The following CACNA1D variants were observed in gnomAD, a reference collection of about 807,000 sequenced individuals.
CACNA1D encodes voltage-dependent L-type calcium channel subunit alpha-1D.
In CACNA1D, 55 loss-of-function variants were observed where a neutral mutation model predicts 257.1. The observed-to-expected ratio is 0.21, with a 90% confidence interval of 0.17 to 0.27. The LOEUF (loss-of-function observed/expected upper bound fraction) is 0.27, where lower values mean the gene tolerates loss of function less well. Among genes scored for constraint, CACNA1D ranks in the 10% least tolerant of loss-of-function variants. The probability of loss-of-function intolerance (pLI) is 1.00; values close to 1 mark genes in which losing one functional copy is unlikely to be tolerated. For synonymous variants in CACNA1D, 980 were observed against 1,014.9 expected (o/e 0.97, Z 0.65); for missense variants, 1,876 against 2,784.0 (o/e 0.67, Z 7.34).
chr3:53,566,924 G>A (rs534986647), intron 3 of CACNA1D, among the ~76,000 whole-genome samples: 13 of 152,336 alleles, frequency 8.5e-5, no homozygotes, highest in South Asian at 2.1e-4. Flanking sequence ...AGCCTGGCAC[G>A]CTATTTGCTC....
chr3:53,609,361 G>A (rs1322419189), intron 3 of CACNA1D, among the ~76,000 whole-genome samples: 1 of 136,988 alleles, frequency 7.3e-6, no homozygotes, highest in African/African-American at 2.7e-5. Context: ...AGTGAGCCGA[G>A]ATTGCGCCAC....
At chr3:53,640,090 G>T (rs1225822717) in intron 3 of CACNA1D, among the ~76,000 whole-genome samples, 2 of 151,762 alleles carry the variant, frequency 1.3e-5, no homozygotes, top group African/African-American at 2.4e-5. Flanking sequence ...TTGAACTCAT[G>T]ATCTCAGGTG....
At chr3:53,530,157 G>A (rs2091901112) in intron 3 of CACNA1D, among the ~76,000 whole-genome samples, 1 of 152,132 alleles carries the variant, frequency 6.6e-6, no homozygotes, top group Non-Finnish European at 1.5e-5. Context: ...AGTATAGAAT[G>A]GAATTAGAAG....
intron 3 of CACNA1D, among the ~76,000 whole-genome samples, chr3:53,570,016 G>A (rs1000982145): frequency 6.6e-6 from 1 of 152,118 alleles, no homozygotes; most frequent in African/African-American, 2.4e-5. Flanking sequence ...TAGCTATACG[G>A]ATAATCTTAG....
chr3:53,554,393 A>G (rs565539272), intron 3 of CACNA1D, among the ~76,000 whole-genome samples: 1 of 152,212 alleles, frequency 6.6e-6, no homozygotes, highest in Non-Finnish European at 1.5e-5. Flanking sequence ...ATCATATGCA[A>G]TTCCTACAAG....
chr3:53,780,529 C>T (rs986713509), intron 38 of CACNA1D, among the ~76,000 whole-genome samples: 6 of 152,142 alleles, frequency 3.9e-5, no homozygotes, highest in South Asian at 4.1e-4. Context: ...AAAGGAAATA[C>T]GGGGATGTCT....
chr3:53,561,154 TG>T (rs1199749232), intron 3 of CACNA1D, among the ~76,000 whole-genome samples: 1 of 152,220 alleles, frequency 6.6e-6, no homozygotes, highest in Non-Finnish European at 1.5e-5. Context: ...ATGACTAAAC[TG>T]GGATTTGTAT....
intron 3 of CACNA1D, among the ~76,000 whole-genome samples, chr3:53,523,985 G>A (rs3821843): frequency 0.71 from 108,481 of 152,174 alleles, 39,511 homozygotes; most frequent in African/African-American, 0.86. Context: ...GAATATCTGT[G>A]AAATTCTCAT....
intron 2 of CACNA1D, among the ~76,000 whole-genome samples, chr3:53,501,371 T>C (rs977292820): frequency 1.3e-5 from 2 of 152,202 alleles, no homozygotes; most frequent in African/African-American, 4.8e-5. Flanking sequence ...AGAATGAGTG[T>C]AACATGATCC....
rs1287200578 is a variant in CACNA1D, at chr3:53,751,119, G to A, written c.3517-630G>A. ...AGGGATTCTGAAATGAACACAACAA[G>A]CTCCCCAGCCCAGAAGCTCCCCGAT... On this transcript the variant is annotated intron_variant, in intron 27 of 47. Coordinates refer to ENST00000350061, the MANE Select transcript of CACNA1D (RefSeq NM_001128840.3). This position sits in a 1 kb window ranked among gnomAD's most constrained non-coding sequence, Gnocchi z 4.3. Among the ~76,000 whole-genome samples the A allele has an allele frequency of 1.3e-5, 2 of 152,186 alleles. No individual in the cohort carries two copies. Among genetic ancestry groups the A allele is most frequent in the Non-Finnish European group, 2.9e-5 (2 of 68,034 alleles).
intron 29 of CACNA1D, 66 bp from the exon 30 acceptor site, chr3:53,761,932 A>T: frequency 8.7e-7 from 1 of 1,144,842 alleles, no homozygotes; most frequent in Non-Finnish European, 1.3e-6. Context: ...ATTCGCCCCT[A>T]TACGGTCCGT....
chr3:53,787,097 G>A (rs933876770), intron 40 of CACNA1D, 145 bp downstream of exon 40: 2 of 831,558 alleles, frequency 2.4e-6, no homozygotes, highest in African/African-American at 3.4e-5. Context: ...CCCAAATGTG[G>A]ACTAGCCATT....
rs2095203919 is a variant in CACNA1D, at chr3:53,749,336, T to C, written c.3383T>C (p.Ile1128Thr). 6.2e-7 allele frequency: 1 copy of C among 1,613,496 alleles called. No homozygotes were observed. Among genetic ancestry groups the C allele is most frequent in the Admixed American group, 1.7e-5 (1 of 60,004 alleles). The change falls in exon 27 of 48, where the codon ATC (isoleucine) becomes ACC (threonine). Residue 1128 changes from isoleucine to threonine, a missense_variant. Coordinates refer to ENST00000350061, the MANE Select transcript of CACNA1D (RefSeq NM_001128840.3). The part of the protein sequence containing the change: ...IGPIYNHRVE[I>T]SIFFIIYIII... ...CCAATCTACAACCACCGCGTGGAGA[T>C]CTCCATCTTCTTCATCATCTACATC...
chr3:53,562,402 C>G (rs2092755856), intron 3 of CACNA1D, among the ~76,000 whole-genome samples: 1 of 152,166 alleles, frequency 6.6e-6, no homozygotes, highest in African/African-American at 2.4e-5. Context: ...ATATGTAGCT[C>G]TAAATTCAGA....
intron 9 of CACNA1D, chr3:53,710,615 T>G: frequency 2.8e-6 from 1 of 358,066 alleles, no homozygotes; most frequent in Admixed American, 3.4e-5. Flanking sequence ...GATTTCTTTC[T>G]TCTTGTCTTT....
chr3:53,594,225 T>C (rs1171323222), intron 3 of CACNA1D, among the ~76,000 whole-genome samples: 1 of 152,164 alleles, frequency 6.6e-6, no homozygotes, highest in Non-Finnish European at 1.5e-5. Flanking sequence ...ACAATAATTG[T>C]ATTATTTTAC....
intron 10 of CACNA1D, among the ~76,000 whole-genome samples, chr3:53,718,991 C>A (rs1309712209): frequency 6.9e-6 from 1 of 144,320 alleles, no homozygotes; most frequent in Non-Finnish European, 1.5e-5. Context: ...CACTCACTGG[C>A]TTTTTTCTAG....
Position 53,726,946 on chromosome 3 carries a change from C to T in CACNA1D, c.2168C>T (p.Ser723Phe), listed in dbSNP as rs757107584. 4.3e-6 allele frequency: 7 copies of T among 1,614,196 alleles called. No homozygotes were observed. The highest frequency in any genetic ancestry group is 5.9e-6 in the Non-Finnish European group (7 of 1,180,008). Reference sequence around the variant, plus strand: ...ATCATGGCTTACGGGGGCCCATCCTCTTCAGGAATGATCGTCTGCATCTAC... The same window carrying T: ...ATCATGGCTTACGGGGGCCCATCCTTTTCAGGAATGATCGTCTGCATCTAC... ...DGIMAYGGPSSSGMIVCIYFI... is the reference protein window; with the variant it reads ...DGIMAYGGPSFSGMIVCIYFI... The change falls in exon 15 of 48, where the codon TCT becomes TTT. Residue 723 changes from serine (S) to phenylalanine (F), a missense_variant. Ser to Phe is a radical substitution (Grantham distance 155). Transcript: ENST00000350061.
intron 8 of CACNA1D, among the ~76,000 whole-genome samples, chr3:53,676,745 T>C (rs958657431): frequency 7.9e-5 from 12 of 152,350 alleles, no homozygotes; most frequent in African/African-American, 2.9e-4. Flanking sequence ...GGTGTTTATT[T>C]GTAAAGTGTT....
Sources: allele counts gnomAD v4.1 joint callset (sites outside exome capture counted in the v4.1 genomes callset), GRCh38; gene constraint gnomAD v4.1.1; non-coding constraint Gnocchi (gnomAD v3.1); transcripts MANE v1.5; gene names NCBI Gene and HGNC (gene_info 2026-07-23, HGNC 2026-07-21).